Variants in PPM1L observed in about 807,000 individuals in gnomAD.
PPM1L encodes the protein protein phosphatase 1L.
PPM1L carries 13 observed loss-of-function variants against 31.4 expected under a neutral mutation model. The ratio of observed to expected loss-of-function variants is 0.41; its 90% CI spans 0.27 to 0.66. The LOEUF is 0.66. Ranked by LOEUF, PPM1L falls within the 30% of genes least tolerant of loss-of-function variation. The pLI, the probability that PPM1L is intolerant of heterozygous loss-of-function variation, is 0.29. For missense variants in PPM1L, 326 were observed against 453.7 expected (o/e 0.72, Z 2.56); for synonymous variants, 184 against 175.4 (o/e 1.05, Z -0.39).
At chr3:160,828,787 A>G (rs774568653) in intron 1 of PPM1L, among the ~76,000 whole-genome samples, 1 of 151,832 alleles carries the variant, frequency 6.6e-6, no homozygotes, top group Non-Finnish European at 1.5e-5. Flanking sequence ...GCATATAGAC[A>G]TAGGTAGAGC....
intron 1 of PPM1L, among the ~76,000 whole-genome samples, chr3:160,805,654 G>A (rs1438750162): frequency 1.3e-5 from 2 of 152,242 alleles, no homozygotes; most frequent in Admixed American, 6.5e-5. Flanking sequence ...CCCAGGAGAC[G>A]GAGGTTGCAG....
At chr3:160,873,130 C>G (rs1346936719) in intron 1 of PPM1L, among the ~76,000 whole-genome samples, 1 of 152,194 alleles carries the variant, frequency 6.6e-6, no homozygotes, top group African/African-American at 2.4e-5. Context: ...GGCATGGACT[C>G]TTTTCTTCCC....
chr3:160,808,208 ACT>A (rs1712665117), intron 1 of PPM1L, among the ~76,000 whole-genome samples: 1 of 151,634 alleles, frequency 6.6e-6, no homozygotes, highest in African/African-American at 2.4e-5. Flanking sequence ...TGCTTAATCA[ACT>A]CTGTTTTCCC....
At chr3:160,935,272 A>G (rs1559893317) in intron 1 of PPM1L, among the ~76,000 whole-genome samples, 1 of 152,152 alleles carries the variant, frequency 6.6e-6, no homozygotes, top group Non-Finnish European at 1.5e-5. Context: ...TAATTCTGTC[A>G]CCCTGAAGAT....
chr3:161,012,797 T>C (rs1717939549), intron 2 of PPM1L, among the ~76,000 whole-genome samples: 1 of 152,260 alleles, frequency 6.6e-6, no homozygotes, highest in Non-Finnish European at 1.5e-5. Flanking sequence ...TTTTCTAGTT[T>C]ATTTGTGTAG....
intron 1 of PPM1L, among the ~76,000 whole-genome samples, chr3:160,944,764 TA>T (rs1192552878): frequency 1.6e-5 from 1 of 61,092 alleles, no homozygotes; most frequent in Non-Finnish European, 5.4e-5. Flanking sequence ...ATGTTATATA[TA>T]ACATGTTATA....
At chr3:160,828,524 C>T (rs996780759) in intron 1 of PPM1L, among the ~76,000 whole-genome samples, 3 of 151,912 alleles carry the variant, frequency 2.0e-5, no homozygotes, top group Non-Finnish European at 4.4e-5. Context: ...GAGAGATAGA[C>T]AATAAGTAAG....
intron 1 of PPM1L, among the ~76,000 whole-genome samples, chr3:160,869,346 C>T (rs1712215603): frequency 6.6e-6 from 1 of 152,150 alleles, no homozygotes; most frequent in African/African-American, 2.4e-5. Flanking sequence ...TTTCCTGCCT[C>T]CTCTTTTGTA....
At chr3:160,929,447 T>C (rs949674415) in intron 1 of PPM1L, among the ~76,000 whole-genome samples, 2 of 152,152 alleles carry the variant, frequency 1.3e-5, no homozygotes, top group Non-Finnish European at 2.9e-5. Flanking sequence ...TGCTAGTTGC[T>C]GATCCTGCAG....
chr3:160,783,600 CA>C (rs59293706), intron 1 of PPM1L, among the ~76,000 whole-genome samples: 64,211 of 110,526 alleles, frequency 0.58, 16,655 homozygotes, highest in African/African-American at 0.78. Flanking sequence ...AACTCCATCT[CA>C]AAAAAAAAAA....
At chr3:160,799,580 A>G (rs1432510320) in intron 1 of PPM1L, among the ~76,000 whole-genome samples, 1 of 152,070 alleles carries the variant, frequency 6.6e-6, no homozygotes, top group Non-Finnish European at 1.5e-5. Flanking sequence ...AGTTTGTGTG[A>G]CTCTCTTTAT....
chr3:160,785,895 T>TG (rs1404516758), intron 1 of PPM1L, among the ~76,000 whole-genome samples: 1 of 150,888 alleles, frequency 6.6e-6, no homozygotes, highest in African/African-American at 2.4e-5. Context: ...GTAAAATTGC[T>TG]GGGTGAAAGA....
chr3:160,805,341 C>A (rs564178408), intron 1 of PPM1L, among the ~76,000 whole-genome samples: 9 of 152,108 alleles, frequency 5.9e-5, no homozygotes, highest in Non-Finnish European at 1.2e-4. Flanking sequence ...AACAGTGGTA[C>A]CTCCACTAGG....
intron 1 of PPM1L, among the ~76,000 whole-genome samples, chr3:160,930,779 G>A (rs954645082): frequency 3.3e-5 from 5 of 152,070 alleles, no homozygotes; most frequent in South Asian, 2.1e-4. Flanking sequence ...GTTCTTACAC[G>A]CCTGGAGTGA....
intron 1 of PPM1L, among the ~76,000 whole-genome samples, chr3:160,871,940 C>CT (rs909727301): frequency 6.3e-4 from 95 of 151,340 alleles, no homozygotes; most frequent in African/African-American, 2.2e-3. Flanking sequence ...ATTAAAGCAT[C>CT]TTTTTTTTAA....
chr3:160,937,142 A>T (rs564008110), intron 1 of PPM1L, among the ~76,000 whole-genome samples: 1 of 152,294 alleles, frequency 6.6e-6, no homozygotes, highest in East Asian at 1.9e-4. Context: ...GAAATAATGA[A>T]ATCTCTCAGT....
chr3:160,801,165 A>T (rs1283550163), intron 1 of PPM1L, among the ~76,000 whole-genome samples: 1 of 146,758 alleles, frequency 6.8e-6, no homozygotes, highest in Non-Finnish European at 1.5e-5. Flanking sequence ...ACACACACAC[A>T]CGGGAATTTT....
intron 2 of PPM1L, among the ~76,000 whole-genome samples, chr3:161,003,733 T>C (rs1414768830): frequency 6.6e-6 from 1 of 152,174 alleles, no homozygotes; most frequent in Admixed American, 6.5e-5. Flanking sequence ...CTTAAGGAGA[T>C]TTTGGGCTGA....
At chr3:160,786,153 CTCTCTG>C (rs1433572043) in intron 1 of PPM1L, among the ~76,000 whole-genome samples, 7 of 74,206 alleles carry the variant, frequency 9.4e-5, no homozygotes, top group African/African-American at 2.1e-4. Flanking sequence ...CTCTCTCTCT[CTCTCTG>C]TGTGTGTGTG....
Sources: gnomAD v4.1 joint callset for allele counts (sites outside exome capture counted in the v4.1 genomes callset) on GRCh38, gnomAD v4.1.1 for gene constraint, MANE v1.5 for transcripts, NCBI Gene and HGNC (gene_info 2026-07-23, HGNC 2026-07-21) for gene names.